Variants in OSGIN2 observed in about 807,000 individuals in gnomAD.
OSGIN2 encodes the protein oxidative stress-induced growth inhibitor 2.
A neutral mutation model predicts 53.8 loss-of-function variants in OSGIN2; 19 were observed. That is an observed-to-expected ratio of 0.35 (90% CI 0.25 to 0.52). The LOEUF (loss-of-function observed/expected upper bound fraction) is 0.52, where lower values mean the gene tolerates loss of function less well. Ranked by LOEUF, OSGIN2 falls within the 20% of genes least tolerant of loss-of-function variation. The probability of loss-of-function intolerance (pLI) is 0.95; values close to 1 mark genes in which losing one functional copy is unlikely to be tolerated. For synonymous variants in OSGIN2, 236 were observed against 236.0 expected (o/e 1.00, Z 0.00); for missense variants, 520 against 662.7 (o/e 0.78, Z 2.36).
At position 89,909,041 on chromosome 8, in the gene OSGIN2, T is replaced by A. The variant is rs1318104396; in HGVS notation, c.45-526T>A. 7.3e-3 allele frequency among the ~76,000 whole-genome samples: 695 copies of A among 95,384 alleles called. 33 individuals are homozygous for A. The highest frequency in any genetic ancestry group is 0.046 in the African/African-American group (586 of 12,870). The allele number at this position is 95,384 out of a possible 152,430, so 62.6% of individuals were successfully genotyped here. On this transcript the variant is annotated intron_variant, in intron 1 of 5. Coordinates refer to ENST00000451899, the MANE Select transcript of OSGIN2 (RefSeq NM_001126111.3). Reference sequence around the variant, plus strand: ...AAAAAAAAAAAAAAAAAAAAAAATATATATATATACATATATATATATATA... The same window carrying A: ...AAAAAAAAAAAAAAAAAAAAAAATAAATATATATACATATATATATATATA...
intron 1 of OSGIN2, among the ~76,000 whole-genome samples, chr8:89,906,320 T>G (rs1393709423): frequency 1.3e-5 from 2 of 152,184 alleles, no homozygotes; most frequent in Non-Finnish European, 2.9e-5. Context: ...TCTCATAATG[T>G]TTTAAGAAAG....
chr8:89,919,992 C>T (rs1306151696), intron 4 of OSGIN2, among the ~76,000 whole-genome samples: 3 of 152,146 alleles, frequency 2.0e-5, no homozygotes, highest in Non-Finnish European at 4.4e-5. Flanking sequence ...GGGCTCTCAA[C>T]CAACTGGAAG....
Position 89,921,071 on chromosome 8 carries a change from C to A in OSGIN2, c.529-9C>A. ...TTGACGGTACATTTTTTTTTTTAAA[C>A]TCTAATAGAATATGGAAGGCTCCAT... On this transcript the variant is annotated splice_polypyrimidine_tract_variant and intron_variant, in intron 4 of 5. Transcript: ENST00000451899. 1 of 1,501,520 alleles carries A rather than the reference C, an allele frequency of 6.7e-7. No homozygotes were observed. The highest frequency in any genetic ancestry group is 9.1e-7 in the Non-Finnish European group (1 of 1,100,366). 93.0% of individuals were successfully genotyped at this position (1,501,520 alleles called of 1,614,324 possible). A position where few individuals can be genotyped will look rare whatever the true frequency, so the allele number is the denominator to read the frequency against.
chr8:89,914,633 C>T lies in OSGIN2; in HGVS notation c.415C>T (p.Pro139Ser). 6.2e-7 allele frequency: 1 copy of T among 1,613,832 alleles called. No individual in the cohort carries two copies. Among genetic ancestry groups the T allele is most frequent in the Non-Finnish European group, 8.5e-7 (1 of 1,179,708 alleles). ...VAVLFDTLLH[P>S]DADFGYDYPS... ...AGTACTTTTCGATACACTTCTTCAT[C>T]CAGATGCTGACTTTGGGTATGATTA... Residue 139 changes from proline to serine, a missense_variant, in exon 4 of 6, where the codon CCA becomes TCA. Physicochemically the swap from Pro to Ser is moderately conservative, Grantham distance 74. Transcript: ENST00000451899.
chr8:89,918,982 A>G (rs1197457973), intron 4 of OSGIN2, among the ~76,000 whole-genome samples: 2 of 152,284 alleles, frequency 1.3e-5, no homozygotes, highest in Non-Finnish European at 2.9e-5. Flanking sequence ...CATTATCCAT[A>G]CCAAAGCCAG....
At chr8:89,917,211 C>T (rs1809098260) in intron 4 of OSGIN2, among the ~76,000 whole-genome samples, 1 of 152,238 alleles carries the variant, frequency 6.6e-6, no homozygotes, top group Non-Finnish European at 1.5e-5. Context: ...TAGCTACTCA[C>T]TCCAGTGGCT....
chr8:89,922,844 T>C (rs1386468899), intron 5 of OSGIN2, among the ~76,000 whole-genome samples: 3 of 152,174 alleles, frequency 2.0e-5, no homozygotes, highest in Non-Finnish European at 4.4e-5. Flanking sequence ...CCTTAGGCTA[T>C]AGGGTATAGC....
At chr8:89,919,730 C>T (rs1257181430) in intron 4 of OSGIN2, among the ~76,000 whole-genome samples, 1 of 152,202 alleles carries the variant, frequency 6.6e-6, no homozygotes, top group South Asian at 2.1e-4. Flanking sequence ...TTGAAGGACA[C>T]TCATATTTGC....
intron 5 of OSGIN2, among the ~76,000 whole-genome samples, chr8:89,923,512 G>C (rs180735419): frequency 7.9e-4 from 121 of 152,250 alleles, no homozygotes; most frequent in South Asian, 1.5e-3. Flanking sequence ...ACTATACTTT[G>C]GGTACCAATG....
chr8:89,924,494 CT>C lies in OSGIN2; in HGVS notation c.621-3del. On this transcript the variant is annotated splice_polypyrimidine_tract_variant and splice_region_variant and intron_variant, in intron 5 of 5. Transcript: ENST00000451899. ...TCCTTATAGGATATTTTTCCTTTTC[CT>C]TTTTTAGGAGCCTAAAAGGGGATCG... The C allele has an allele frequency of 1.9e-6, 3 of 1,565,622 alleles. No homozygotes were observed. The highest frequency in any genetic ancestry group is 1.2e-5 in the South Asian group (1 of 83,740).
At chr8:89,911,544 C>A (rs981755734) in intron 2 of OSGIN2, among the ~76,000 whole-genome samples, 1 of 147,446 alleles carries the variant, frequency 6.8e-6, no homozygotes, top group African/African-American at 2.5e-5. Context: ...GCAGGAGGAT[C>A]GCCTGAACCC....
intron 5 of OSGIN2, among the ~76,000 whole-genome samples, chr8:89,923,306 T>C (rs571168341): frequency 6.6e-5 from 10 of 152,352 alleles, no homozygotes; most frequent in South Asian, 6.2e-4. Context: ...CCTTTGTTGA[T>C]TGAATTATGT....
At chr8:89,904,811 A>T (rs1412105896) in intron 1 of OSGIN2, among the ~76,000 whole-genome samples, 1 of 152,154 alleles carries the variant, frequency 6.6e-6, no homozygotes. Flanking sequence ...AGACTGTCTC[A>T]AAAAAACAAA....
At chr8:89,904,280 T>C (rs1808790871) in intron 1 of OSGIN2, among the ~76,000 whole-genome samples, 1 of 152,206 alleles carries the variant, frequency 6.6e-6, no homozygotes, top group Admixed American at 6.5e-5. Context: ...CAGAAAATAT[T>C]GTGTGAAAGC....
chr8:89,905,802 G>A (rs1445069667), intron 1 of OSGIN2, among the ~76,000 whole-genome samples: 1 of 152,168 alleles, frequency 6.6e-6, no homozygotes, highest in Non-Finnish European at 1.5e-5. Context: ...GGCTGCACAT[G>A]CAAAAAACTA....
At chr8:89,911,693 G>A (rs934704324) in intron 2 of OSGIN2, among the ~76,000 whole-genome samples, 2 of 149,818 alleles carry the variant, frequency 1.3e-5, no homozygotes, top group Admixed American at 1.3e-4. Flanking sequence ...CCAGCACTTT[G>A]AGAGGCTGAG....
rs1034900115 is a variant in OSGIN2 at position 89,925,151 on chromosome 8, C to G, written c.1269C>G (p.Pro423=). The part of the protein sequence containing the change: ...SNLLSDYTSF[P]EHRVLSFKSD... Reference sequence around the variant, plus strand: ...TTTTATCTGATTATACCAGCTTTCCCGAGCACCGTGTGCTTTCCTTTAAGT... The same window carrying G: ...TTTTATCTGATTATACCAGCTTTCCGGAGCACCGTGTGCTTTCCTTTAAGT... Residue 423 remains proline, a synonymous_variant, in exon 6 of 6, where the codon CCC becomes CCG. Coordinates refer to ENST00000451899, the MANE Select transcript of OSGIN2 (RefSeq NM_001126111.3). 1.2e-6 allele frequency: 2 copies of G among 1,613,908 alleles called. No homozygotes were observed. The highest frequency in any genetic ancestry group is 3.3e-5 in the Admixed American group (2 of 59,986).
intron 1 of OSGIN2, among the ~76,000 whole-genome samples, chr8:89,908,860 T>A (rs1808893446): frequency 6.6e-6 from 1 of 151,190 alleles, no homozygotes; most frequent in Non-Finnish European, 1.5e-5. Flanking sequence ...AAATATTTTT[T>A]AAATTAGCCA....
At chr8:89,912,991 C>G (rs1809002003) in intron 2 of OSGIN2, among the ~76,000 whole-genome samples, 1 of 152,128 alleles carries the variant, frequency 6.6e-6, no homozygotes, top group East Asian at 1.9e-4. Context: ...CCAATAGAGT[C>G]AGACAGTCAT....
Sources: gnomAD v4.1 joint callset for allele counts (sites outside exome capture counted in the v4.1 genomes callset) on GRCh38, gnomAD v4.1.1 for gene constraint, MANE v1.5 for transcripts, NCBI Gene and HGNC (gene_info 2026-07-23, HGNC 2026-07-21) for gene names.